Variants in PDZD2 observed in about 807,000 individuals in gnomAD.
PDZD2 encodes the protein PDZ domain containing 2.
A neutral mutation model predicts 220.7 loss-of-function variants in PDZD2; 90 were observed. That is an observed-to-expected ratio of 0.41 (90% CI 0.34 to 0.49). PDZD2 has a LOEUF of 0.49. Ranked by LOEUF, PDZD2 falls within the 20% of genes least tolerant of loss-of-function variation. The probability of loss-of-function intolerance (pLI) is 0.28; values close to 1 mark genes in which losing one functional copy is unlikely to be tolerated. For missense variants in PDZD2, 3,174 were observed against 3,608.5 expected, an observed-to-expected ratio of 0.88 and a Z score of 3.08; for synonymous variants, 1,375 against 1,450.5, an observed-to-expected ratio of 0.95 and a Z score of 1.18.
chr5:31,713,053 T>A (rs942026019), intron 1 of PDZD2, among the ~76,000 whole-genome samples: 5 of 152,212 alleles, frequency 3.3e-5, no homozygotes, highest in African/African-American at 1.2e-4. Context: ...TGAGACTTTG[T>A]CAAGCTTCAG....
intron 2 of PDZD2, among the ~76,000 whole-genome samples, chr5:31,870,090 T>A (rs1738644878): frequency 6.6e-6 from 1 of 152,136 alleles, no homozygotes. Flanking sequence ...AGGCACCTGT[T>A]TCTGTGTTCT....
At chr5:31,809,437 C>T (rs144008003) in intron 2 of PDZD2, among the ~76,000 whole-genome samples, 50 of 152,316 alleles carry the variant, frequency 3.3e-4, no homozygotes, top group African/African-American at 1.1e-3. Context: ...TTTCCTGTGG[C>T]CCTGGGAGGT....
At chr5:31,797,991 G>T (rs931302487) in intron 1 of PDZD2, among the ~76,000 whole-genome samples, 11 of 152,052 alleles carry the variant, frequency 7.2e-5, no homozygotes, top group Admixed American at 5.9e-4. Flanking sequence ...ATTTTTCTTT[G>T]GTGGAGAAGG....
rs1346186522 is a variant in PDZD2 at position 32,030,256 on chromosome 5, A to G, written c.1408-6975A>G. On this transcript the variant is annotated intron_variant, in intron 6 of 24. Transcript: ENST00000438447. ...TTCATCTCTCCTTCCACATTTGTTG[A>G]GCTGGAAAAACACCCTCCGCAGATT... Among the ~76,000 whole-genome samples, 5 of 152,176 alleles carry G rather than the reference A, an allele frequency of 3.3e-5. No individual in the cohort carries two copies. The South Asian group carries it at 8.3e-4, about 25-fold the overall frequency.
chr5:31,878,554 G>GTTTTTTT (rs1411853055), intron 2 of PDZD2, among the ~76,000 whole-genome samples: 4 of 39,260 alleles, frequency 1.0e-4, no homozygotes, highest in Admixed American at 4.0e-4. Flanking sequence ...GATGACCTCG[G>GTTTTTTT]CTTTTTTTTT....
intron 2 of PDZD2, among the ~76,000 whole-genome samples, chr5:31,845,464 G>A (rs114170747): frequency 0.033 from 5,014 of 152,278 alleles, 270 homozygotes; most frequent in African/African-American, 0.12. Flanking sequence ...AAGTTTCAGT[G>A]TGTTCCCTGG....
intron 2 of PDZD2, among the ~76,000 whole-genome samples, chr5:31,927,882 C>T (rs779910004): frequency 6.6e-6 from 1 of 152,146 alleles, no homozygotes; most frequent in Non-Finnish European, 1.5e-5. Context: ...TGGGCCACAC[C>T]GACATGCACT....
chr5:31,697,210 C>T (rs975592256), intron 1 of PDZD2, among the ~76,000 whole-genome samples: 3 of 152,204 alleles, frequency 2.0e-5, no homozygotes, highest in African/African-American at 7.2e-5. Flanking sequence ...CACCTGTAAT[C>T]CCAGGACTTT....
intron 1 of PDZD2, among the ~76,000 whole-genome samples, chr5:31,781,135 TG>T (rs1753040945): frequency 6.6e-6 from 1 of 152,168 alleles, no homozygotes; most frequent in African/African-American, 2.4e-5. Flanking sequence ...GGATTCAGGC[TG>T]AGCCCAGTGG....
intron 1 of PDZD2, among the ~76,000 whole-genome samples, chr5:31,651,681 G>C (rs928277800): frequency 1.1e-4 from 16 of 152,074 alleles, no homozygotes; most frequent in African/African-American, 3.9e-4. Context: ...GCCCAGGCTG[G>C]AGTGCAGTGG....
intron 2 of PDZD2, among the ~76,000 whole-genome samples, chr5:31,940,222 A>G (rs569921861): frequency 6.6e-6 from 1 of 152,326 alleles, no homozygotes; most frequent in East Asian, 1.9e-4. Context: ...TTCTCCCTCC[A>G]TGGACATGGC....
chr5:31,751,508 A>G (rs1750972149), intron 1 of PDZD2, among the ~76,000 whole-genome samples: 3 of 152,186 alleles, frequency 2.0e-5, no homozygotes, highest in Non-Finnish European at 4.4e-5. Flanking sequence ...GCCAAGTCTG[A>G]ACTCTAAGGC....
chr5:31,818,309 C>A (rs1755601466), intron 2 of PDZD2, among the ~76,000 whole-genome samples: 1 of 152,096 alleles, frequency 6.6e-6, no homozygotes, highest in African/African-American at 2.4e-5. Context: ...CATGAAAAAT[C>A]AAAATTTCGA....
At chr5:31,992,864 G>GGA (rs1554020668) in intron 3 of PDZD2, among the ~76,000 whole-genome samples, 2 of 140,462 alleles carry the variant, frequency 1.4e-5, no homozygotes, top group Non-Finnish European at 3.1e-5. Flanking sequence ...CTCTTCCATG[G>GGA]AAAAAAAAAA....
Position 31,923,418 on chromosome 5 carries a change from G to A in PDZD2, c.477-59737G>A, listed in dbSNP as rs554795609. The A allele has an allele frequency of 8.0e-6, 10 of 1,246,226 alleles. No homozygotes were observed. The East Asian group carries it at 1.6e-4, about 20-fold the overall frequency. The allele number at this position is 1,246,226 out of a possible 1,614,324, so 77.2% of individuals were successfully genotyped here. ...GCAGAGACTGCAGCAGCTCTTCAAC[G>A]GGGGCCAGTTTGCCATCCACTTGGG... On this transcript the variant is annotated intron_variant, in intron 2 of 24. Transcript: ENST00000438447.
intron 2 of PDZD2, among the ~76,000 whole-genome samples, chr5:31,836,836 T>G (rs2150277809): frequency 6.6e-6 from 1 of 151,916 alleles, no homozygotes; most frequent in South Asian, 2.1e-4. Flanking sequence ...CTGGCCAACA[T>G]GATGAAACCC....
At chr5:31,821,387 A>AT (rs11388695) in intron 2 of PDZD2, among the ~76,000 whole-genome samples, 32,008 of 92,328 alleles carry the variant, frequency 0.35, 3,725 homozygotes, top group Middle Eastern at 0.47. Flanking sequence ...TATTATTATT[A>AT]TTTTTTTTTT....
chr5:32,034,271 C>T (rs550637461), intron 6 of PDZD2, among the ~76,000 whole-genome samples: 2 of 151,776 alleles, frequency 1.3e-5, no homozygotes, highest in East Asian at 1.9e-4. Flanking sequence ...GCACCAAAGG[C>T]GGTAATGTCT....
chr5:32,096,195 T>A (rs1743674312), intron 21 of PDZD2, among the ~76,000 whole-genome samples: 2 of 152,164 alleles, frequency 1.3e-5, no homozygotes, highest in African/African-American at 4.8e-5. Context: ...TTGGAAAGCT[T>A]AGTCAACCTC....
Sources: gnomAD v4.1 joint callset for allele counts (sites outside exome capture counted in the v4.1 genomes callset) on GRCh38, gnomAD v4.1.1 for gene constraint, MANE v1.5 for transcripts, NCBI Gene and HGNC (gene_info 2026-07-23, HGNC 2026-07-21) for gene names.